The following SNX7 variants were observed in gnomAD, a reference collection of about 807,000 sequenced individuals.
The protein encoded by SNX7 is sorting nexin-7.
Under a neutral mutation model 48.4 loss-of-function variants are expected in SNX7, and 35 were observed. The observed-to-expected ratio is 0.72, with a 90% confidence interval of 0.55 to 0.96. The LOEUF (loss-of-function observed/expected upper bound fraction) is 0.96. Among genes scored for constraint, SNX7 ranks in the 40% least tolerant of loss-of-function variants. The pLI is 0.00. For missense variants in SNX7, 553 were observed against 548.9 expected (o/e 1.01, Z -0.07); for synonymous variants, 190 against 190.2 (o/e 1.00, Z 0.01).
chr1:98,696,821 T>C (rs1446035010), intron 5 of SNX7, among the ~76,000 whole-genome samples: 1 of 152,058 alleles, frequency 6.6e-6, no homozygotes, highest in Non-Finnish European at 1.5e-5. Flanking sequence ...AGTTAGGTGG[T>C]ATGGCAATTC....
chr1:98,662,322 C>CA, intron 1 of SNX7: 1 of 167,286 alleles, frequency 6.0e-6, no homozygotes, highest in South Asian at 1.7e-4. Context: ...TCTGGGAGAG[C>CA]AGCCAAGTTT....
chr1:98,667,780 T>C (rs1649615221), intron 1 of SNX7, among the ~76,000 whole-genome samples: 1 of 152,054 alleles, frequency 6.6e-6, no homozygotes. Flanking sequence ...TGTCAATGCG[T>C]CAGATTTTTC....
chr1:98,719,144 A>G (rs948506749), intron 7 of SNX7, among the ~76,000 whole-genome samples: 1 of 152,122 alleles, frequency 6.6e-6, no homozygotes, highest in African/African-American at 2.4e-5. Context: ...GCCTCAGTTT[A>G]TTACTTCGTG....
In SNX7 at chr1:98,694,596, A is replaced by ATTTTTTTTT. The variant is rs764330196; in HGVS notation, c.640-901_640-893dup. 1.1e-3 allele frequency among the ~76,000 whole-genome samples: 56 copies of ATTTTTTTTT among 53,224 alleles called. 6 individuals are homozygous for ATTTTTTTTT. The highest frequency in any genetic ancestry group is 2.0e-3 in the African/African-American group (23 of 11,590). The allele number at this position is 53,224 out of a possible 152,430, so 34.9% of individuals were successfully genotyped here. A position where few individuals can be genotyped will look rare whatever the true frequency, so the allele number is the denominator to read the frequency against. On this transcript the variant is annotated intron_variant, in intron 4 of 8. Coordinates refer to ENST00000306121, the MANE Select transcript of SNX7 (RefSeq NM_015976.5). ...TGCTCTACCACTTAATTGCTCTGGG[A>ATTTTTTTTT]TTTTTTTTTTTTTTTTTTTTTTTTT...
chr1:98,738,396 A>T lies in SNX7; in HGVS notation c.1278+7A>T, dbSNP rs1309765042. On this transcript the variant is annotated splice_region_variant and intron_variant, in intron 8 of 8. Coordinates refer to ENST00000306121, the MANE Select transcript of SNX7 (RefSeq NM_015976.5). ...TATCCATTATTATGAACAGGTAATT[A>T]GTGTTGTTTGATATTGCTTCATTTT... is the stretch of plus-strand genomic sequence containing the variant. 4.3e-6 allele frequency: 7 copies of T among 1,611,342 alleles called. No individual in the cohort carries two copies. The African/African-American group carries it at 5.3e-5, about 12-fold the overall frequency.
intron 7 of SNX7, among the ~76,000 whole-genome samples, chr1:98,711,537 A>G (rs561305897): frequency 6.6e-6 from 1 of 152,350 alleles, no homozygotes; most frequent in East Asian, 1.9e-4. Context: ...ACTGTAGTCT[A>G]TTAAATATGC....
chr1:98,670,894 A>G, intron 1 of SNX7, among the ~76,000 whole-genome samples: 1 of 152,126 alleles, frequency 6.6e-6, no homozygotes, highest in East Asian at 1.9e-4. Flanking sequence ...TTATTTATTT[A>G]TTTATTTATT....
chr1:98,744,440 A>G (rs17118895), intron 8 of SNX7, among the ~76,000 whole-genome samples: 23,506 of 151,968 alleles, frequency 0.15, 1,902 homozygotes, highest in South Asian at 0.19. Flanking sequence ...GTGAAAGCAT[A>G]TGTCAGGAAG....
chr1:98,668,898 G>A (rs919102924), intron 1 of SNX7, among the ~76,000 whole-genome samples: 1 of 152,196 alleles, frequency 6.6e-6, no homozygotes. Flanking sequence ...AAATGTTCTG[G>A]TACAAGCTGG....
chr1:98,688,550 G>A (rs1367323513), intron 2 of SNX7, among the ~76,000 whole-genome samples: 4 of 152,072 alleles, frequency 2.6e-5, no homozygotes, highest in Non-Finnish European at 5.9e-5. Context: ...TGGCTGAACT[G>A]ACTATTAAGT....
At chr1:98,698,231 T>G (rs1651561101) in intron 5 of SNX7, among the ~76,000 whole-genome samples, 1 of 152,126 alleles carries the variant, frequency 6.6e-6, no homozygotes, top group Admixed American at 6.5e-5. Context: ...TTGGAATTGG[T>G]GATTTACTGG....
chr1:98,711,852 T>C (rs1652327021), intron 7 of SNX7, among the ~76,000 whole-genome samples: 1 of 152,214 alleles, frequency 6.6e-6, no homozygotes, highest in East Asian at 1.9e-4. Flanking sequence ...GCTTTTGAAA[T>C]TGGAGCCAAT....
intron 7 of SNX7, among the ~76,000 whole-genome samples, chr1:98,721,762 C>T (rs1338419164): frequency 6.6e-6 from 1 of 151,850 alleles, no homozygotes; most frequent in Non-Finnish European, 1.5e-5. Context: ...CTTTGGAAAG[C>T]CTAATGGTAA....
At chr1:98,710,280 A>G (rs1048778890) in intron 7 of SNX7, among the ~76,000 whole-genome samples, 12 of 152,212 alleles carry the variant, frequency 7.9e-5, no homozygotes, top group African/African-American at 2.9e-4. Flanking sequence ...ATAAAAATGT[A>G]CAGTCTTGAT....
chr1:98,692,806 AT>A (rs771803822), intron 4 of SNX7, among the ~76,000 whole-genome samples: 6 of 152,208 alleles, frequency 3.9e-5, no homozygotes, highest in Non-Finnish European at 7.4e-5. Flanking sequence ...TCTCAACTGC[AT>A]ATGGTGGCAT....
At chr1:98,668,083 G>A (rs1187546439) in intron 1 of SNX7, among the ~76,000 whole-genome samples, 1 of 152,092 alleles carries the variant, frequency 6.6e-6, no homozygotes, top group Non-Finnish European at 1.5e-5. Context: ...GTCTAGGTAG[G>A]TGAAATAGAA....
intron 4 of SNX7, among the ~76,000 whole-genome samples, chr1:98,694,625 T>TTTTGTTG (rs1651347873): frequency 8.7e-6 from 1 of 115,466 alleles, no homozygotes. Context: ...TTTTTTTTTT[T>TTTTGTTG]GAGATGGAGT....
intron 7 of SNX7, among the ~76,000 whole-genome samples, chr1:98,734,860 A>G (rs6656354): frequency 0.26 from 39,610 of 152,030 alleles, 5,512 homozygotes; most frequent in South Asian, 0.31. Flanking sequence ...TGCTGGCAAC[A>G]AGGGTTGCTT....
intron 8 of SNX7, among the ~76,000 whole-genome samples, chr1:98,739,779 C>T (rs1003002782): frequency 6.6e-6 from 1 of 152,104 alleles, no homozygotes; most frequent in Non-Finnish European, 1.5e-5. Context: ...ACTGAGGTTC[C>T]ATTTTGGAGG....
Sources: gnomAD v4.1 joint callset for allele counts (sites outside exome capture counted in the v4.1 genomes callset) on GRCh38, gnomAD v4.1.1 for gene constraint, MANE v1.5 for transcripts, NCBI Gene and HGNC (gene_info 2026-07-23, HGNC 2026-07-21) for gene names.